Variants in DPP10 observed in about 807,000 individuals in gnomAD.
DPP10 encodes the protein dipeptidyl peptidase like 10, also known as inactive dipeptidyl peptidase 10.
Under a neutral mutation model 120.9 loss-of-function variants are expected in DPP10, and 33 were observed. The ratio of observed to expected loss-of-function variants is 0.27; its 90% CI spans 0.21 to 0.37. The LOEUF (loss-of-function observed/expected upper bound fraction) is 0.37. Among genes scored for constraint, DPP10 ranks in the 10% least tolerant of loss-of-function variants. DPP10 has a pLI of 1.00. For missense variants in DPP10, 816 were observed against 942.8 expected (o/e 0.87, Z 1.76); for synonymous variants, 337 against 326.1 (o/e 1.03, Z -0.36).
At chr2:115,099,192 T>C (rs2048561669) in intron 1 of DPP10, among the ~76,000 whole-genome samples, 1 of 150,752 alleles carries the variant, frequency 6.6e-6, no homozygotes, top group Non-Finnish European at 1.5e-5. Context: ...TGGGTGCCTG[T>C]AATCCCAGCT....
At chr2:114,856,120 A>C in intron 1 of DPP10, among the ~76,000 whole-genome samples, 1 of 152,220 alleles carries the variant, frequency 6.6e-6, no homozygotes, top group East Asian at 1.9e-4. Context: ...GCATGTAAGA[A>C]AGTATTAAAA....
chr2:114,923,623 C>T (rs903897512), intron 1 of DPP10, among the ~76,000 whole-genome samples: 10 of 151,612 alleles, frequency 6.6e-5, no homozygotes, highest in South Asian at 2.1e-4. Flanking sequence ...GGACTACAGG[C>T]GCCCGCCACC....
At chr2:114,658,196 G>A (rs946935229) in intron 1 of DPP10, among the ~76,000 whole-genome samples, 5 of 152,172 alleles carry the variant, frequency 3.3e-5, no homozygotes, top group Non-Finnish European at 7.4e-5. Flanking sequence ...ATTTCATTAA[G>A]AGACTACCAT....
At chr2:114,483,111 A>T (rs1307606287) in intron 1 of DPP10, among the ~76,000 whole-genome samples, 1 of 152,166 alleles carries the variant, frequency 6.6e-6, no homozygotes, top group African/African-American at 2.4e-5. Flanking sequence ...GATGTAAATG[A>T]TATCTTAACA....
intron 3 of DPP10, among the ~76,000 whole-genome samples, chr2:115,477,134 C>T: frequency 6.6e-6 from 1 of 152,088 alleles, no homozygotes; most frequent in East Asian, 1.9e-4. Context: ...TTTGCCACTT[C>T]TATTCAACAT....
chr2:115,521,768 C>T (rs955210741), intron 4 of DPP10, among the ~76,000 whole-genome samples: 1 of 152,126 alleles, frequency 6.6e-6, no homozygotes, highest in Non-Finnish European at 1.5e-5. Context: ...ACTAGTTTTT[C>T]ACCCAGTTGC....
In DPP10 at chr2:115,835,694, A is replaced by C. The variant is rs569539673; in HGVS notation, c.1951-463A>C. Among the ~76,000 whole-genome samples the C allele has an allele frequency of 2.0e-5, 3 of 152,120 alleles. No individual in the cohort carries two copies. The South Asian group carries it at 6.2e-4, about 32-fold the overall frequency. On this transcript the variant is annotated intron_variant, in intron 21 of 25. Transcript: ENST00000410059. ...CTCTATAAGAAATTAAAACAATCTA[A>C]ATTTTTGGTGAGATATTTTCAAAAT...
At chr2:115,332,488 G>C (rs146229826) in intron 2 of DPP10, among the ~76,000 whole-genome samples, 7,955 of 152,004 alleles carry the variant, frequency 0.052, 677 homozygotes, top group African/African-American at 0.18. Flanking sequence ...GTTTGCTTTT[G>C]CTTCTCTAGT....
intron 2 of DPP10, among the ~76,000 whole-genome samples, chr2:115,341,089 T>C (rs11123298): frequency 0.72 from 109,357 of 151,908 alleles, 39,759 homozygotes; most frequent in Admixed American, 0.78. Context: ...GCTCATCTGA[T>C]TAAAATCCCA....
At chr2:114,841,102 T>C (rs1261631421) in intron 1 of DPP10, among the ~76,000 whole-genome samples, 1 of 152,200 alleles carries the variant, frequency 6.6e-6, no homozygotes, top group Non-Finnish European at 1.5e-5. Flanking sequence ...TTAAACCACA[T>C]TGAATTTAAG....
intron 3 of DPP10, among the ~76,000 whole-genome samples, chr2:115,425,178 TTGAC>T (rs1574805826): frequency 2.0e-5 from 3 of 152,172 alleles, no homozygotes; most frequent in African/African-American, 7.2e-5. Flanking sequence ...AATAATCTAA[TTGAC>T]TGTTTTCCAG....
intron 1 of DPP10, among the ~76,000 whole-genome samples, chr2:114,928,680 C>T (rs1695826209): frequency 6.6e-6 from 1 of 152,042 alleles, no homozygotes; most frequent in Non-Finnish European, 1.5e-5. Context: ...TAGATGTGGT[C>T]CTAGTACAGG....
chr2:115,141,147 G>T (rs1483584655), intron 1 of DPP10, among the ~76,000 whole-genome samples: 2 of 152,124 alleles, frequency 1.3e-5, no homozygotes, highest in Non-Finnish European at 2.9e-5. Context: ...ACATTATAGG[G>T]GTAGGGATGT....
At chr2:115,471,854 G>C (rs1260502794) in intron 3 of DPP10, among the ~76,000 whole-genome samples, 1 of 151,898 alleles carries the variant, frequency 6.6e-6, no homozygotes, top group Non-Finnish European at 1.5e-5. Flanking sequence ...TCCTGGGCTC[G>C]AGTGATCAAC....
intron 24 of DPP10, among the ~76,000 whole-genome samples, chr2:115,837,671 A>G (rs1689670134): frequency 6.6e-6 from 1 of 152,220 alleles, no homozygotes; most frequent in Non-Finnish European, 1.5e-5. Context: ...TATTACTGTT[A>G]TTAAATGCCC....
At chr2:114,770,071 A>G (rs182774819) in intron 1 of DPP10, among the ~76,000 whole-genome samples, 2 of 152,324 alleles carry the variant, frequency 1.3e-5, no homozygotes. Flanking sequence ...GTTTTAAAAG[A>G]TGCCATTTTG....
chr2:115,595,218 C>T (rs960214397), intron 5 of DPP10, among the ~76,000 whole-genome samples: 17 of 152,090 alleles, frequency 1.1e-4, no homozygotes, highest in Non-Finnish European at 1.8e-4. Flanking sequence ...AATAAAGATA[C>T]GAAGACAACT....
intron 1 of DPP10, among the ~76,000 whole-genome samples, chr2:115,294,018 A>G (rs2060774436): frequency 6.6e-6 from 1 of 152,176 alleles, no homozygotes; most frequent in Non-Finnish European, 1.5e-5. Flanking sequence ...TCAGTCTGTT[A>G]GTGTATATAC....
At chr2:114,552,408 A>C (rs80016107) in intron 1 of DPP10, among the ~76,000 whole-genome samples, 2,756 of 152,288 alleles carry the variant, frequency 0.018, 98 homozygotes, top group African/African-American at 0.063. Context: ...GGGAAAAGAC[A>C]TGGTGTCTTT....
Sources: allele counts gnomAD v4.1 joint callset (sites outside exome capture counted in the v4.1 genomes callset), GRCh38; gene constraint gnomAD v4.1.1; transcripts MANE v1.5; gene names NCBI Gene and HGNC (gene_info 2026-07-23, HGNC 2026-07-21).